The following FAM78A variants were observed in gnomAD, a reference collection of about 807,000 sequenced individuals.
The protein encoded by FAM78A is family with sequence similarity 78 member A, also known as protein FAM78A.
Under a neutral mutation model 22.6 loss-of-function variants are expected in FAM78A, and 12 were observed. The ratio of observed to expected loss-of-function variants is 0.53; its 90% CI spans 0.34 to 0.86. The LOEUF (loss-of-function observed/expected upper bound fraction) is 0.86. Among genes scored for constraint, FAM78A ranks in the 40% least tolerant of loss-of-function variants. The probability of loss-of-function intolerance (pLI) is 0.02; values close to 1 mark genes in which losing one functional copy is unlikely to be tolerated. For synonymous variants in FAM78A, 151 were observed against 155.8 expected, an observed-to-expected ratio of 0.97 and a Z score of 0.23; for missense variants, 322 against 396.1, an observed-to-expected ratio of 0.81 and a Z score of 1.59.
Position 131,272,514 on chromosome 9 carries a change from C to T in FAM78A, c.323+3343G>A, listed in dbSNP as rs1270109866. Among the ~76,000 whole-genome samples, 1 of 152,228 alleles carries T rather than the reference C, an allele frequency of 6.6e-6. No individual in the cohort carries two copies. Among genetic ancestry groups the T allele is most frequent in the African/African-American group, 2.4e-5 (1 of 41,448 alleles). On this transcript the variant is annotated intron_variant, in intron 1 of 1. Transcript: ENST00000372271. The surrounding 1 kb of genome is among the most constrained non-coding windows in gnomAD (Gnocchi z 4.1). ...CCCTGGGCCAGGCAGAGCAGAGGAACAATTCTGGGCTGGTTGGGGTTTCTG... is the reference window on the plus strand; with the variant it reads ...CCCTGGGCCAGGCAGAGCAGAGGAATAATTCTGGGCTGGTTGGGGTTTCTG...
At chr9:131,277,492 C>A (rs1835500814), upstream of FAM78A, among the ~76,000 whole-genome samples, 2 of 151,918 alleles carry the variant, frequency 1.3e-5, no homozygotes, top group African/African-American at 4.8e-5. This position sits in a 1 kb window ranked among gnomAD's most constrained non-coding sequence, Gnocchi z 8.4. Context: ...GCGCGCTCGC[C>A]GCTGCCGGGG....
chr9:131,264,823 A>C (rs1387640647), intron 1 of FAM78A: 1 of 526,832 alleles, frequency 1.9e-6, no homozygotes. Context: ...TCCCAGGTTC[A>C]AGTGATTCTT....
Position 131,261,295 on chromosome 9 carries a change from A to T in FAM78A, c.379T>A (p.Ser127Thr). The part of the protein sequence containing the change: ...QEGKIQAISD[S>T]DGVNYPWYGN... ...TACCAGGGGTAGTTCACCCCATCCG[A>T]GTCGCTGATGGCTTGGATCTTGCCC... Residue 127 changes from serine (S) to threonine (T), a missense_variant, in exon 2 of 2, where the codon TCG (serine) becomes ACG (threonine). Physicochemically the swap from Ser to Thr is moderately conservative, Grantham distance 58 (BLOSUM62 1). Coordinates refer to ENST00000372271, the MANE Select transcript of FAM78A (RefSeq NM_033387.4). This position sits in a 1 kb window ranked among gnomAD's most constrained non-coding sequence, Gnocchi z 7.1. 1 of 1,604,534 alleles carries T rather than the reference A, an allele frequency of 6.2e-7. No individual in the cohort carries two copies. The highest frequency in any genetic ancestry group is 8.5e-7 in the Non-Finnish European group (1 of 1,179,216).
intron 1 of FAM78A, among the ~76,000 whole-genome samples, chr9:131,263,052 C>A (rs570655693): frequency 1.3e-5 from 2 of 152,130 alleles, no homozygotes; most frequent in Admixed American, 1.3e-4. Context: ...CCAGCCTGGG[C>A]AATACGGTGA....
chr9:131,268,672 G>A (rs1009924777), intron 1 of FAM78A, among the ~76,000 whole-genome samples: 5 of 151,634 alleles, frequency 3.3e-5, no homozygotes, highest in African/African-American at 7.3e-5. Flanking sequence ...AGGCCGAGGC[G>A]GGCGGATCAC....
chr9:131,266,559 C>T (rs1255331871), intron 1 of FAM78A, among the ~76,000 whole-genome samples: 1 of 152,132 alleles, frequency 6.6e-6, no homozygotes, highest in African/African-American at 2.4e-5. Context: ...CATAGCTGCT[C>T]ATCACTCAGC....
At chr9:131,278,208 C>G (rs2131201881), upstream of FAM78A, among the ~76,000 whole-genome samples, 1 of 152,098 alleles carries the variant, frequency 6.6e-6, no homozygotes, top group Admixed American at 6.5e-5. Context: ...CTTGAACAAA[C>G]GACATTTCCT....
Position 131,268,115 on chromosome 9 carries a change from C to A in FAM78A, c.324-6765G>T, listed in dbSNP as rs1006831084. ...AGGATCTGCCCATGTCACACAGTCT[C>A]CCGCTCAGTCCTGGTTTCAGTCCCT... On this transcript the variant is annotated intron_variant, in intron 1 of 1. Coordinates refer to ENST00000372271, the MANE Select transcript of FAM78A (RefSeq NM_033387.4). 1.4e-4 allele frequency among the ~76,000 whole-genome samples: 21 copies of A among 152,052 alleles called. 1 individual carries two copies. The highest frequency in any genetic ancestry group is 1.5e-5 in the Non-Finnish European group (1 of 68,006).
intron 1 of FAM78A, chr9:131,263,595 C>T (rs1835302340): frequency 6.0e-6 from 1 of 167,680 alleles, no homozygotes; most frequent in Non-Finnish European, 1.3e-5. Context: ...AGAGCCAGAC[C>T]CTGTCTTAAA....
At position 131,261,331 on chromosome 9, in the gene FAM78A, C is replaced by T. The variant is rs369808057; in HGVS notation, c.343G>A (p.Asp115Asn). 9.4e-6 allele frequency: 15 copies of T among 1,591,546 alleles called. No individual in the cohort carries two copies. The highest frequency in any genetic ancestry group is 6.8e-5 in the Admixed American group (4 of 58,614). Residue 115 changes from aspartate (D) to asparagine (N), a missense_variant, in exon 2 of 2, where the codon GAC becomes AAC. Coordinates refer to ENST00000372271, the MANE Select transcript of FAM78A (RefSeq NM_033387.4). The surrounding 1 kb of genome is among the most constrained non-coding windows in gnomAD (Gnocchi z 7.1). The part of the protein sequence containing the change: ...EQGMSSWELP[D>N]LQEGKIQAIS... ...GCTTGGATCTTGCCCTCCTGGAGGT[C>T]GGGGAGCTCCCAGCTGGACCTGAGG...
rs887570592 is a variant in FAM78A at position 131,272,059 on chromosome 9, A to C, written c.323+3798T>G. On this transcript the variant is annotated intron_variant, in intron 1 of 1. Coordinates refer to ENST00000372271, the MANE Select transcript of FAM78A (RefSeq NM_033387.4). The surrounding 1 kb of genome is among the most constrained non-coding windows in gnomAD (Gnocchi z 4.1). Reference sequence around the variant, plus strand: ...TAATTGTTCCATTTCAAATATTTCAAACCCAGAATGTCATTCTAAAAAGTT... The same window carrying C: ...TAATTGTTCCATTTCAAATATTTCACACCCAGAATGTCATTCTAAAAAGTT... Among the ~76,000 whole-genome samples the C allele has an allele frequency of 2.0e-5, 3 of 152,174 alleles. No individual in the cohort carries two copies. Among genetic ancestry groups the C allele is most frequent in the Non-Finnish European group, 4.4e-5 (3 of 68,016 alleles).
intron 1 of FAM78A, among the ~76,000 whole-genome samples, chr9:131,266,582 A>T (rs1167777014): frequency 6.7e-6 from 1 of 149,502 alleles, no homozygotes; most frequent in African/African-American, 2.5e-5. Context: ...TGCAGCCACC[A>T]CCCCAAAGAA....
chr9:131,279,775 C>G (rs1260637359), upstream of FAM78A, among the ~76,000 whole-genome samples: 1 of 152,236 alleles, frequency 6.6e-6, no homozygotes, highest in African/African-American at 2.4e-5. Flanking sequence ...CAGGCACTGT[C>G]TCTTCTATCC....
Position 131,262,415 on chromosome 9 carries a change from G to T in FAM78A, c.324-1065C>A, listed in dbSNP as rs1835284569. Among the ~76,000 whole-genome samples the T allele has an allele frequency of 2.0e-5, 3 of 151,368 alleles. No homozygotes were observed. In the South Asian group the frequency reaches 6.3e-4, roughly 32 times the overall value. ...TGCTTGAACCTGGGAGGCTGGGTTT[G>T]CGGTGAGCTGAGATTGTGCCACTGC... On this transcript the variant is annotated intron_variant, in intron 1 of 1. Transcript: ENST00000372271.
upstream of FAM78A, among the ~76,000 whole-genome samples, chr9:131,279,883 G>C (rs1204748038): frequency 6.6e-6 from 1 of 152,172 alleles, no homozygotes; most frequent in Admixed American, 6.5e-5. Context: ...TGCCAGCTCC[G>C]ATCTGACCAG....
chr9:131,271,447 A>C (rs1168006846), intron 1 of FAM78A, among the ~76,000 whole-genome samples: 4 of 152,188 alleles, frequency 2.6e-5, no homozygotes, highest in Admixed American at 2.6e-4. Flanking sequence ...TGCTGGGCTA[A>C]GGTCTTATCA....
At chr9:131,270,567 C>G (rs910559105) in intron 1 of FAM78A, 9 of 712,842 alleles carry the variant, frequency 1.3e-5, no homozygotes, top group Admixed American at 2.0e-5. Flanking sequence ...GGTCATCCCC[C>G]CTACTTCCTC....
rs901481091 is a variant in FAM78A at position 131,275,643 on chromosome 9, T to C, written c.323+214A>G. Among the ~76,000 whole-genome samples the C allele has an allele frequency of 2.6e-5, 4 of 152,184 alleles. No homozygotes were observed. The highest frequency in any genetic ancestry group is 1.9e-4 in the East Asian group (1 of 5,204). On this transcript the variant is annotated intron_variant, in intron 1 of 1. Coordinates refer to ENST00000372271, the MANE Select transcript of FAM78A (RefSeq NM_033387.4). This position sits in a 1 kb window ranked among gnomAD's most constrained non-coding sequence, Gnocchi z 4.6. ...CCGGGGGGAACAGTGGCAGGGTAGA[T>C]TGCAGGACCGTGACTCCAATCTGGA...
rs998686330 is a variant in FAM78A at position 131,260,177 on chromosome 9, C to T, written c.*645G>A. 4 of 152,610 alleles carry T rather than the reference C, an allele frequency of 2.6e-5. No individual in the cohort carries two copies. Among genetic ancestry groups the T allele is most frequent in the African/African-American group, 7.2e-5 (3 of 41,432 alleles). 9.5% of individuals were successfully genotyped at this position (152,610 alleles called of 1,614,324 possible). A position where few individuals can be genotyped will look rare whatever the true frequency, so the allele number is the denominator to read the frequency against. On this transcript the variant is annotated 3_prime_UTR_variant, in exon 2 of 2. Transcript: ENST00000372271. The surrounding 1 kb of genome is among the most constrained non-coding windows in gnomAD (Gnocchi z 5.4). Reference sequence around the variant, plus strand: ...ATCCTCACCCTTCTCCCAAGACAACCGGGAAGAAGGGCTCAAGAGACTCTC... The same window carrying T: ...ATCCTCACCCTTCTCCCAAGACAACTGGGAAGAAGGGCTCAAGAGACTCTC...
Sources: gnomAD v4.1 joint callset for allele counts (sites outside exome capture counted in the v4.1 genomes callset) on GRCh38, gnomAD v4.1.1 for gene constraint, Gnocchi (gnomAD v3.1) non-coding constraint, MANE v1.5 for transcripts, NCBI Gene and HGNC (gene_info 2026-07-23, HGNC 2026-07-21) for gene names.